Variants in TENM3 observed in about 807,000 individuals in gnomAD.
The protein encoded by TENM3 is teneurin-3.
TENM3 carries 63 observed loss-of-function variants against 255.1 expected under a neutral mutation model. The ratio of observed to expected loss-of-function variants is 0.25; its 90% CI spans 0.20 to 0.30. The LOEUF is 0.30. Among genes scored for constraint, TENM3 ranks in the 10% least tolerant of loss-of-function variants. TENM3 has a pLI of 1.00. For missense variants in TENM3, 2,929 were observed against 3,461.1 expected (o/e 0.85, Z 3.86); for synonymous variants, 1,306 against 1,322.3 (o/e 0.99, Z 0.27).
At chr4:182,361,635 A>T (rs957325452) in intron 3 of TENM3, among the ~76,000 whole-genome samples, 1 of 151,482 alleles carries the variant, frequency 6.6e-6, no homozygotes, top group Non-Finnish European at 1.5e-5. Flanking sequence ...ATTTTTTTCA[A>T]AGTTTTTAAC....
chr4:182,279,595 A>T (rs1320662055), intron 1 of TENM3, among the ~76,000 whole-genome samples: 2 of 152,146 alleles, frequency 1.3e-5, no homozygotes, highest in East Asian at 3.9e-4. Context: ...ATATAAAAGA[A>T]AGTGGGAGCA....
chr4:182,145,810 A>G (rs186594054), intron 1 of TENM3, among the ~76,000 whole-genome samples: 5 of 152,288 alleles, frequency 3.3e-5, no homozygotes, highest in Admixed American at 2.0e-4. Flanking sequence ...ATCATGCTCT[A>G]TTTCTTATCT....
At chr4:181,532,022 A>T in the TENM3 span, among the ~76,000 whole-genome samples, 2 of 152,140 alleles carry the variant, frequency 1.3e-5, no homozygotes, top group African/African-American at 4.8e-5. Context: ...GCAGAATTAG[A>T]TGGGGAGAAA....
the TENM3 span, among the ~76,000 whole-genome samples, chr4:182,002,901 C>T: frequency 4.6e-4 from 70 of 152,122 alleles, no homozygotes; most frequent in African/African-American, 1.6e-3. Context: ...GGCCTTTATA[C>T]GAAAGCTCAA....
intron 13 of TENM3, among the ~76,000 whole-genome samples, chr4:182,719,180 G>A (rs1022445602): frequency 1.3e-5 from 2 of 150,554 alleles, no homozygotes; most frequent in Non-Finnish European, 2.9e-5. Context: ...GTGCAAGAAT[G>A]GTGGAATACC....
At chr4:181,458,868 T>C in the TENM3 span, among the ~76,000 whole-genome samples, 1 of 151,988 alleles carries the variant, frequency 6.6e-6, no homozygotes, top group African/African-American at 2.4e-5. Context: ...AATATTTAAG[T>C]ACAATTGTTG....
At chr4:181,836,212 T>C in the TENM3 span, among the ~76,000 whole-genome samples, 1 of 92,548 alleles carries the variant, frequency 1.1e-5, no homozygotes, top group Non-Finnish European at 2.6e-5. Flanking sequence ...CACACACAAC[T>C]TCCCCTTTAT....
intron 3 of TENM3, among the ~76,000 whole-genome samples, chr4:182,535,362 C>T (rs983801976): frequency 5.3e-5 from 8 of 152,168 alleles, no homozygotes; most frequent in African/African-American, 1.9e-4. Context: ...TTATTGTATT[C>T]TTCTCATAGA....
the TENM3 span, among the ~76,000 whole-genome samples, chr4:182,058,777 T>C: frequency 6.6e-6 from 1 of 152,180 alleles, no homozygotes; most frequent in Non-Finnish European, 1.5e-5. Flanking sequence ...TCTGTAATTA[T>C]TAAAATGTTC....
the TENM3 span, among the ~76,000 whole-genome samples, chr4:181,846,974 A>T: frequency 1.3e-5 from 2 of 152,238 alleles, no homozygotes; most frequent in African/African-American, 4.8e-5. Context: ...TGTTCAACGC[A>T]GCCAAAATAG....
At chr4:181,956,834 A>G in the TENM3 span, among the ~76,000 whole-genome samples, 1 of 152,202 alleles carries the variant, frequency 6.6e-6, no homozygotes, top group East Asian at 1.9e-4. Flanking sequence ...TCTGGACTAC[A>G]TATGATTTAG....
the TENM3 span, among the ~76,000 whole-genome samples, chr4:181,839,384 T>TATATATACACACAC: frequency 1.2e-5 from 1 of 83,460 alleles, no homozygotes; most frequent in East Asian, 3.3e-4. Context: ...TATATATATA[T>TATATATACACACAC]ACACCTATAT....
chr4:181,932,705 A>C, the TENM3 span, among the ~76,000 whole-genome samples: 2 of 152,230 alleles, frequency 1.3e-5, no homozygotes, highest in African/African-American at 4.8e-5. Context: ...CTATGAAGAC[A>C]CATGCACACA....
intron 3 of TENM3, among the ~76,000 whole-genome samples, chr4:182,492,137 T>C (rs1473010495): frequency 6.6e-6 from 1 of 152,220 alleles, no homozygotes; most frequent in Admixed American, 6.5e-5. Flanking sequence ...TCTCTCCTTA[T>C]AAGCTTGAAT....
intron 3 of TENM3, among the ~76,000 whole-genome samples, chr4:182,596,052 T>C (rs1747184843): frequency 1.3e-5 from 2 of 152,292 alleles, no homozygotes; most frequent in East Asian, 1.9e-4. Flanking sequence ...CACAAGGTGC[T>C]ATTATATAAA....
the TENM3 span, among the ~76,000 whole-genome samples, chr4:182,037,150 A>ATT: frequency 0.05 from 7,293 of 144,650 alleles, 274 homozygotes; most frequent in Non-Finnish European, 0.074. Flanking sequence ...AACTCCTTTT[A>ATT]TTTTTTTTTT....
At chr4:181,889,677 C>T in the TENM3 span, among the ~76,000 whole-genome samples, 1 of 152,092 alleles carries the variant, frequency 6.6e-6, no homozygotes, top group Non-Finnish European at 1.5e-5. Context: ...CTTTGAACAG[C>T]AAAGATACAG....
the TENM3 span, among the ~76,000 whole-genome samples, chr4:181,879,262 G>C: frequency 6.6e-6 from 1 of 151,854 alleles, no homozygotes; most frequent in African/African-American, 2.4e-5. Flanking sequence ...AATCATTACA[G>C]GCAAAAAGAA....
At chr4:182,391,061 G>A (rs987132768) in intron 3 of TENM3, among the ~76,000 whole-genome samples, 3 of 152,156 alleles carry the variant, frequency 2.0e-5, no homozygotes, top group African/African-American at 7.2e-5. Context: ...ATTTAATGAT[G>A]TTCTCAGCCA....
Sources: gnomAD v4.1 joint callset for allele counts (sites outside exome capture counted in the v4.1 genomes callset) on GRCh38, gnomAD v4.1.1 for gene constraint, MANE v1.5 for transcripts, NCBI Gene and HGNC (gene_info 2026-07-23, HGNC 2026-07-21) for gene names.